The following SHANK2 variants were observed in gnomAD, a reference collection of about 807,000 sequenced individuals.
SHANK2 encodes SH3 and multiple ankyrin repeat domains protein 2.
SHANK2 carries 43 observed loss-of-function variants against 133.7 expected under a neutral mutation model. The observed-to-expected ratio is 0.32, with a 90% CI of 0.25 to 0.41. The LOEUF is 0.41. Among genes scored for constraint, SHANK2 ranks in the 10% least tolerant of loss-of-function variants. SHANK2 has a pLI of 1.00. For synonymous variants in SHANK2, 1,017 were observed against 952.8 expected, an observed-to-expected ratio of 1.07 and a Z score of -1.24; for missense variants, 1,994 against 2,235.8, an observed-to-expected ratio of 0.89 and a Z score of 2.18.
intron 15 of SHANK2, among the ~76,000 whole-genome samples, chr11:70,662,621 G>A (rs1555013788): frequency 1.3e-5 from 2 of 152,216 alleles, no homozygotes; most frequent in African/African-American, 4.8e-5. Context: ...GGGAACTGGA[G>A]GGGGTATGTG....
chr11:70,561,834 C>T (rs758493499), intron 17 of SHANK2, among the ~76,000 whole-genome samples: 115 of 152,238 alleles, frequency 7.6e-4, no homozygotes, highest in Non-Finnish European at 1.3e-3. Flanking sequence ...CACACTTAGC[C>T]TTACTTTGGT....
chr11:70,934,852 C>T (rs1306981512), intron 10 of SHANK2, among the ~76,000 whole-genome samples: 2 of 152,068 alleles, frequency 1.3e-5, no homozygotes, highest in East Asian at 3.9e-4. Context: ...ATGTCCTGTC[C>T]CCAGGTTTTC....
intron 11 of SHANK2, among the ~76,000 whole-genome samples, chr11:70,828,698 G>A (rs1948682612): frequency 6.6e-6 from 1 of 152,222 alleles, no homozygotes; most frequent in Non-Finnish European, 1.5e-5. Context: ...TGGCTGGCGA[G>A]CGCTGGGAGG....
In SHANK2 at chr11:71,147,237, T is replaced by C; in HGVS notation, c.90A>G (p.Glu30=). The change falls in exon 3 of 26, where the codon GAA becomes GAG. Residue 30 remains glutamate (E), a synonymous_variant. Coordinates refer to ENST00000601538, the MANE Select transcript of SHANK2 (RefSeq NM_012309.5). The part of the protein sequence containing the change: ...SVGSESDSSK[E]ETIYDTIRAT... ...CCCGGATCGTGTCATAGATGGTCTC[T>C]TCTTTGGAGCTGTCTGACTCCGACC... The C allele has an allele frequency of 6.4e-7, 1 of 1,550,954 alleles. No homozygotes were observed. Among genetic ancestry groups the C allele is most frequent in the African/African-American group, 1.4e-5 (1 of 73,168 alleles).
In SHANK2 at chr11:70,798,431, C is replaced by T. The variant is rs782132230; in HGVS notation, c.1777+12G>A. The T allele has an allele frequency of 5.7e-5, 41 of 717,602 alleles. No homozygotes were observed. The highest frequency in any genetic ancestry group is 2.3e-4 in the Middle Eastern group (1 of 4,394). 44.5% of individuals were successfully genotyped at this position (717,602 alleles called of 1,614,324 possible). On this transcript the variant is annotated intron_variant, in intron 14 of 25. Transcript: ENST00000601538. ...AGGATCGAGGGTGGGCGGCCACGAGCGCTCGCCTTACCTGCCTGGCTGTCC... is the reference window on the plus strand; with the variant it reads ...AGGATCGAGGGTGGGCGGCCACGAGTGCTCGCCTTACCTGCCTGGCTGTCC...
In SHANK2 at chr11:70,937,890, G is replaced by C. The variant is rs79396237; in HGVS notation, c.1108-41323C>G. ...AGGGTGTGTGACCTCTCAGAAGCCAGAGGGCCTTTGGGGCCTCTCTCTTCA... is the reference window on the plus strand; with the variant it reads ...AGGGTGTGTGACCTCTCAGAAGCCACAGGGCCTTTGGGGCCTCTCTCTTCA... On this transcript the variant is annotated intron_variant, in intron 10 of 25. Transcript: ENST00000601538. Among the ~76,000 whole-genome samples the C allele has an allele frequency of 4.2e-4, 64 of 152,286 alleles. No homozygotes were observed. In the East Asian group the frequency reaches 9.5e-3, roughly 23 times the overall value.
At chr11:70,906,975 T>A (rs1474697786) in intron 10 of SHANK2, among the ~76,000 whole-genome samples, 2 of 152,182 alleles carry the variant, frequency 1.3e-5, no homozygotes, top group Non-Finnish European at 2.9e-5. Flanking sequence ...TGCAAATCGA[T>A]GTGTATTACC....
intron 14 of SHANK2, among the ~76,000 whole-genome samples, chr11:70,734,104 C>T (rs1200720984): frequency 1.3e-5 from 2 of 152,044 alleles, no homozygotes; most frequent in Non-Finnish European, 1.5e-5. Flanking sequence ...GCAGGAGGCA[C>T]CCCCTGAGCC....
intron 11 of SHANK2, 147 bp from the exon 12 acceptor site, chr11:70,820,829 C>G: frequency 3.7e-6 from 2 of 543,398 alleles, no homozygotes; most frequent in Non-Finnish European, 3.2e-6. Context: ...GGCCGAGACC[C>G]CAGCTGGACT....
At chr11:70,799,959 G>A (rs1380017027) in intron 13 of SHANK2, among the ~76,000 whole-genome samples, 1 of 152,214 alleles carries the variant, frequency 6.6e-6, no homozygotes, top group African/African-American at 2.4e-5. Context: ...GCCCTACTGT[G>A]ATAACTATTT....
chr11:70,737,602 T>A (rs187056077), intron 14 of SHANK2, among the ~76,000 whole-genome samples: 3 of 152,316 alleles, frequency 2.0e-5, no homozygotes, highest in African/African-American at 7.2e-5. Flanking sequence ...TCCAGGAGAC[T>A]GTCTGCAAAG....
At chr11:71,068,065 AACCATC>A (rs1367942293) in intron 9 of SHANK2, among the ~76,000 whole-genome samples, 17 of 149,150 alleles carry the variant, frequency 1.1e-4, no homozygotes, top group Admixed American at 1.0e-3. Flanking sequence ...TCACCATCAC[AACCATC>A]ACCATCACCA....
At chr11:71,122,826 C>T (rs1555101780) in intron 3 of SHANK2, among the ~76,000 whole-genome samples, 1 of 152,126 alleles carries the variant, frequency 6.6e-6, no homozygotes, top group Admixed American at 6.5e-5. Flanking sequence ...CCTCAAGCCT[C>T]AGAAGGAACC....
At chr11:70,628,190 C>T (rs148268873) in intron 17 of SHANK2, among the ~76,000 whole-genome samples, 5,186 of 152,292 alleles carry the variant, frequency 0.034, 130 homozygotes, top group Non-Finnish European at 0.053. Context: ...GAACTCCTGA[C>T]CTCAGGTGAT....
Position 70,884,742 on chromosome 11 carries a change from C to T in SHANK2, c.1174+11759G>A, listed in dbSNP as rs575477510. On this transcript the variant is annotated intron_variant, in intron 11 of 25. Coordinates refer to ENST00000601538, the MANE Select transcript of SHANK2 (RefSeq NM_012309.5). ...TTTTCTTTTCTTTCTTTTTTTGAGA[C>T]GAAGTCTCGTTCTTGTTGCCCAGGC... 4.6e-5 allele frequency among the ~76,000 whole-genome samples: 7 copies of T among 152,250 alleles called. No homozygotes were observed. The South Asian group carries it at 1.0e-3, about 23-fold the overall frequency.
At chr11:70,939,982 G>T (rs76519636) in intron 10 of SHANK2, among the ~76,000 whole-genome samples, 6,848 of 152,060 alleles carry the variant, frequency 0.045, 528 homozygotes, top group African/African-American at 0.16. Flanking sequence ...CTGGGGTGGG[G>T]GTCCAGAGAT....
intron 10 of SHANK2, among the ~76,000 whole-genome samples, chr11:70,910,477 T>C (rs1362018746): frequency 3.3e-5 from 5 of 152,134 alleles, no homozygotes; most frequent in Non-Finnish European, 7.4e-5. Flanking sequence ...CCCATCCCCA[T>C]GATTCGGTTA....
At chr11:70,719,801 C>T (rs1946036987) in intron 14 of SHANK2, among the ~76,000 whole-genome samples, 3 of 151,320 alleles carry the variant, frequency 2.0e-5, no homozygotes, top group Non-Finnish European at 2.9e-5. Flanking sequence ...TCTTGTCCCA[C>T]TGCGCTGGAA....
At chr11:70,786,955 C>T (rs1239177225) in intron 14 of SHANK2, among the ~76,000 whole-genome samples, 3 of 152,068 alleles carry the variant, frequency 2.0e-5, no homozygotes, top group African/African-American at 4.8e-5. Context: ...AAAACAGCAT[C>T]ACCACTATCA....
Sources: allele counts gnomAD v4.1 joint callset (sites outside exome capture counted in the v4.1 genomes callset), GRCh38; gene constraint gnomAD v4.1.1; transcripts MANE v1.5; gene names NCBI Gene and HGNC (gene_info 2026-07-23, HGNC 2026-07-21).